Variants in FGD6 observed in about 807,000 individuals in gnomAD.
FGD6 encodes FYVE, RhoGEF and PH domain-containing protein 6.
In FGD6, 90 loss-of-function variants were observed where a neutral mutation model predicts 149.4. That is an observed-to-expected ratio of 0.60 (90% confidence interval 0.51 to 0.72). FGD6 has a LOEUF of 0.72. Ranked by LOEUF, FGD6 falls within the 30% of genes least tolerant of loss-of-function variation. The pLI, the probability that FGD6 is intolerant of heterozygous loss-of-function variation, is 0.00. For missense variants in FGD6, 1,437 were observed against 1,684.8 expected (o/e 0.85, Z 2.57); for synonymous variants, 527 against 584.0 (o/e 0.90, Z 1.41).
chr12:95,144,846 G>A (rs534183268), intron 5 of FGD6, among the ~76,000 whole-genome samples: 1 of 150,412 alleles, frequency 6.6e-6, no homozygotes, highest in South Asian at 2.1e-4. Context: ...TTGCCACCAC[G>A]CCTGGCTAAT....
intron 3 of FGD6, among the ~76,000 whole-genome samples, chr12:95,161,093 T>C (rs568135837): frequency 4.6e-5 from 7 of 151,520 alleles, no homozygotes; most frequent in African/African-American, 1.7e-4. Context: ...GACAGGAGAA[T>C]TGCTTAAACC....
chr12:95,099,213 C>T (rs1023687114), intron 14 of FGD6, among the ~76,000 whole-genome samples: 3 of 152,120 alleles, frequency 2.0e-5, no homozygotes, highest in Non-Finnish European at 2.9e-5. Flanking sequence ...TGTCCCGATG[C>T]GCAGCACAAT....
chr12:95,120,921 GCT>G (rs1241833192), intron 8 of FGD6, among the ~76,000 whole-genome samples: 2 of 151,840 alleles, frequency 1.3e-5, no homozygotes, highest in Non-Finnish European at 2.9e-5. Context: ...TTTATTATGT[GCT>G]CTTTTTTTCT....
chr12:95,171,989 C>CA lies in FGD6; in HGVS notation c.2586+610dup, dbSNP rs533145199. ...TAAAATGCATATAATTTCTTTATTT[C>CA]AAAAAAATCTACAAAAAATTGGTAG... On this transcript the variant is annotated intron_variant, in intron 3 of 20. Transcript: ENST00000343958. 1.5e-3 allele frequency among the ~76,000 whole-genome samples: 189 copies of CA among 124,648 alleles called. 2 individuals carry two copies. The South Asian group carries it at 0.028, about 19-fold the overall frequency. 81.8% of individuals were successfully genotyped at this position (124,648 alleles called of 152,430 possible).
At chr12:95,140,444 C>T (rs979881491) in intron 6 of FGD6, among the ~76,000 whole-genome samples, 1 of 151,960 alleles carries the variant, frequency 6.6e-6, no homozygotes, top group Non-Finnish European at 1.5e-5. Context: ...TGATGAAACC[C>T]CGCCTCTACT....
At chr12:95,158,467 C>G (rs1880543807) in intron 3 of FGD6, among the ~76,000 whole-genome samples, 1 of 151,908 alleles carries the variant, frequency 6.6e-6, no homozygotes, top group African/African-American at 2.4e-5. Context: ...GATCACTCAC[C>G]TTTTAAACTA....
chr12:95,155,685 A>C lies in FGD6; in HGVS notation c.2587-2692T>G, dbSNP rs373022087. 1.4e-4 allele frequency among the ~76,000 whole-genome samples: 21 copies of C among 152,340 alleles called. No individual in the cohort carries two copies. The East Asian group carries it at 1.5e-3, about 11-fold the overall frequency. On this transcript the variant is annotated intron_variant, in intron 3 of 20. Coordinates refer to ENST00000343958, the MANE Select transcript of FGD6 (RefSeq NM_018351.4). ...AAATAGTAGTCAGTCATTAGAGTGA[A>C]TGAAGTCAAACACAGGGACTACGTA...
At chr12:95,159,816 T>A (rs1210970289) in intron 3 of FGD6, among the ~76,000 whole-genome samples, 2 of 151,818 alleles carry the variant, frequency 1.3e-5, no homozygotes, top group Non-Finnish European at 2.9e-5. Context: ...CTTGGCAACA[T>A]AGCAAGACCC....
intron 13 of FGD6, among the ~76,000 whole-genome samples, chr12:95,106,227 G>A (rs930165826): frequency 6.6e-6 from 1 of 151,450 alleles, no homozygotes; most frequent in African/African-American, 2.4e-5. Flanking sequence ...CTCCCAAAGT[G>A]CTGGGACTAC....
intron 3 of FGD6, among the ~76,000 whole-genome samples, chr12:95,167,484 G>A (rs574544021): frequency 6.6e-6 from 1 of 151,714 alleles, no homozygotes; most frequent in East Asian, 1.9e-4. Context: ...TTATGATGTT[G>A]AACACCTTTT....
intron 3 of FGD6, among the ~76,000 whole-genome samples, chr12:95,164,253 T>C (rs1352172849): frequency 6.6e-6 from 1 of 151,652 alleles, no homozygotes; most frequent in Non-Finnish European, 1.5e-5. Flanking sequence ...TTCCTTTTTT[T>C]TTTTTTGAGA....
At chr12:95,114,443 TACACACACACACACACACAC>T (rs60238488) in intron 8 of FGD6, among the ~76,000 whole-genome samples, 92 of 125,370 alleles carry the variant, frequency 7.3e-4, no homozygotes, top group Non-Finnish European at 7.8e-4. Flanking sequence ...CCATCTCTAC[TACACACACACACACACACAC>T]ACACACACAC....
intron 11 of FGD6, 38 bp from the exon 12 acceptor site, chr12:95,107,669 T>G (rs1435429875): frequency 6.3e-7 from 1 of 1,599,346 alleles, no homozygotes; most frequent in Non-Finnish European, 8.6e-7. Context: ...AGTCCTACCA[T>G]CACAACACAA....
chr12:95,116,601 C>T (rs1879021864), intron 8 of FGD6, among the ~76,000 whole-genome samples: 1 of 152,148 alleles, frequency 6.6e-6, no homozygotes. Flanking sequence ...TTTATGAACA[C>T]AGTTGAAATA....
intron 2 of FGD6, among the ~76,000 whole-genome samples, chr12:95,202,949 T>C (rs1331620906): frequency 6.6e-6 from 1 of 152,214 alleles, no homozygotes; most frequent in Non-Finnish European, 1.5e-5. Context: ...ACCTTCTAAC[T>C]GTGCATAATC....
rs369807724 is a variant in FGD6 at position 95,193,423 on chromosome 12, T to G, written c.2441+15420A>C. Among the ~76,000 whole-genome samples, 21 of 151,908 alleles carry G rather than the reference T, an allele frequency of 1.4e-4. No individual in the cohort carries two copies. In the East Asian group the frequency reaches 1.5e-3, roughly 11 times the overall value. ...CCCAGGCTGGAGTGCAACAGCATGATCTCAGCTCACTGCAACCTCTGCCTC... is the reference window on the plus strand; with the variant it reads ...CCCAGGCTGGAGTGCAACAGCATGAGCTCAGCTCACTGCAACCTCTGCCTC... On this transcript the variant is annotated intron_variant, in intron 2 of 20. Transcript: ENST00000343958.
At chr12:95,167,649 A>C (rs1880861202) in intron 3 of FGD6, among the ~76,000 whole-genome samples, 1 of 141,216 alleles carries the variant, frequency 7.1e-6, no homozygotes, top group Admixed American at 7.4e-5. Flanking sequence ...ATCTCGGCTC[A>C]CTGCAACCTC....
Position 95,153,944 on chromosome 12 carries a change from T to A in FGD6, c.2587-951A>T, listed in dbSNP as rs958934148. Among the ~76,000 whole-genome samples the A allele has an allele frequency of 6.5e-4, 89 of 135,982 alleles. 6 individuals are homozygous for A. The South Asian group carries it at 0.018, about 27-fold the overall frequency. The allele number at this position is 135,982 out of a possible 152,430, so 89.2% of individuals were successfully genotyped here. ...GTGTGTGTGTGTGTGTGTGTGTGTG[T>A]GTGAGTGAGAGAGAGAAGAGACAGA... On this transcript the variant is annotated intron_variant, in intron 3 of 20. Transcript: ENST00000343958.
At chr12:95,152,763 C>A (rs746953885) in intron 5 of FGD6, 48 bp downstream of exon 5, 2 of 1,567,498 alleles carry the variant, frequency 1.3e-6, no homozygotes, top group East Asian at 2.3e-5. Context: ...AGGGAAAGTA[C>A]AAAAGGGAAT....
Sources: gnomAD v4.1 joint callset for allele counts (sites outside exome capture counted in the v4.1 genomes callset) on GRCh38, gnomAD v4.1.1 for gene constraint, MANE v1.5 for transcripts, NCBI Gene and HGNC (gene_info 2026-07-23, HGNC 2026-07-21) for gene names.